NPAS3: variants seen among roughly 807,000 people sequenced by gnomAD.
The protein encoded by NPAS3 is neuronal PAS domain-containing protein 3.
A neutral mutation model predicts 73.1 loss-of-function variants in NPAS3; 14 were observed. That is an observed-to-expected ratio of 0.19 (90% CI 0.13 to 0.30). The LOEUF (loss-of-function observed/expected upper bound fraction) is 0.30, where lower values mean the gene tolerates loss of function less well. Ranked by LOEUF, NPAS3 falls within the 10% of genes least tolerant of loss-of-function variation. The pLI is 1.00. For synonymous variants in NPAS3, 620 were observed against 541.5 expected (o/e 1.14, Z -2.01); for missense variants, 1,096 against 1,250.0 (o/e 0.88, Z 1.86).
At chr14:33,084,949 T>C (rs2041974474) in intron 2 of NPAS3, among the ~76,000 whole-genome samples, 1 of 152,180 alleles carries the variant, frequency 6.6e-6, no homozygotes, top group Non-Finnish European at 1.5e-5. Flanking sequence ...ATATGAAAAG[T>C]ATATGGCACT....
At chr14:33,303,759 T>C (rs528766772) in intron 3 of NPAS3, among the ~76,000 whole-genome samples, 1 of 150,526 alleles carries the variant, frequency 6.6e-6, no homozygotes, top group South Asian at 2.1e-4. Context: ...TATCATGATA[T>C]TGTTTATTGG....
At chr14:33,023,371 AT>A (rs1043880596) in intron 1 of NPAS3, among the ~76,000 whole-genome samples, 23 of 144,802 alleles carry the variant, frequency 1.6e-4, no homozygotes, top group East Asian at 3.9e-4. Context: ...TGGAATGAAT[AT>A]TTTTTTTCAT....
At chr14:33,763,220 G>T (rs542764078) in intron 7 of NPAS3, among the ~76,000 whole-genome samples, 2 of 152,150 alleles carry the variant, frequency 1.3e-5, no homozygotes, top group African/African-American at 4.8e-5. Flanking sequence ...TGGCACCGCC[G>T]TGGATTCATC....
At chr14:33,486,095 C>T (rs890740418) in intron 4 of NPAS3, among the ~76,000 whole-genome samples, 1 of 152,124 alleles carries the variant, frequency 6.6e-6, no homozygotes, top group African/African-American at 2.4e-5. Context: ...TTGTCCAAGT[C>T]CTGCACTGTT....
At chr14:33,328,462 T>A (rs1203102472) in intron 3 of NPAS3, among the ~76,000 whole-genome samples, 13 of 58,258 alleles carry the variant, frequency 2.2e-4, no homozygotes, top group African/African-American at 7.5e-4. Flanking sequence ...TTTTTTTTTT[T>A]TTTTTTTTTT....
At chr14:33,049,939 CTT>C (rs1482575055) in intron 1 of NPAS3, among the ~76,000 whole-genome samples, 2 of 152,180 alleles carry the variant, frequency 1.3e-5, no homozygotes, top group Non-Finnish European at 2.9e-5. Flanking sequence ...AAGTTGCCCT[CTT>C]AGTTTTTTTG....
At chr14:33,490,083 A>G (rs749141415) in intron 4 of NPAS3, among the ~76,000 whole-genome samples, 9 of 152,066 alleles carry the variant, frequency 5.9e-5, no homozygotes, top group Non-Finnish European at 8.8e-5. Context: ...ATCAAGAAAA[A>G]AGTTCTCTTT....
At chr14:33,365,174 C>T (rs998165149) in intron 3 of NPAS3, among the ~76,000 whole-genome samples, 3 of 98,222 alleles carry the variant, frequency 3.1e-5, no homozygotes, top group African/African-American at 1.3e-4. Flanking sequence ...GCTTCTCCCT[C>T]CCAAAAGCCA....
At chr14:33,416,906 A>G (rs893272839) in intron 4 of NPAS3, among the ~76,000 whole-genome samples, 13 of 151,928 alleles carry the variant, frequency 8.6e-5, no homozygotes, top group Non-Finnish European at 1.6e-4. Flanking sequence ...ACAGTTTCCA[A>G]TTACAGAAAC....
chr14:32,956,916 A>G (rs2036693303), intron 1 of NPAS3, among the ~76,000 whole-genome samples: 1 of 152,220 alleles, frequency 6.6e-6, no homozygotes, highest in Admixed American at 6.5e-5. Flanking sequence ...AATTCTATTC[A>G]GTGTTAATAT....
rs142261445 is a variant in NPAS3 at position 33,453,723 on chromosome 14, C to G, written c.468+86455C>G. Among the ~76,000 whole-genome samples the G allele has an allele frequency of 3.7e-3, 569 of 152,316 alleles. 5 individuals carry two copies. The highest frequency in any genetic ancestry group is 0.013 in the African/African-American group (551 of 41,576). ...CCAGCTGGGCTTAAGTTTACTTTTGCATTGTTGACCTATTTTTTAAGTGTT... is the reference window on the plus strand; with the variant it reads ...CCAGCTGGGCTTAAGTTTACTTTTGGATTGTTGACCTATTTTTTAAGTGTT... On this transcript the variant is annotated intron_variant, in intron 4 of 11. Coordinates refer to ENST00000356141, the Ensembl canonical transcript of NPAS3.
chr14:33,331,223 A>C (rs1594709877), intron 3 of NPAS3, among the ~76,000 whole-genome samples: 1 of 152,208 alleles, frequency 6.6e-6, no homozygotes, highest in South Asian at 2.1e-4. Context: ...ATGCATGTGA[A>C]TATAATACAT....
chr14:33,010,065 A>G (rs1032137492), intron 1 of NPAS3, among the ~76,000 whole-genome samples: 7 of 152,254 alleles, frequency 4.6e-5, no homozygotes, highest in African/African-American at 9.6e-5. Flanking sequence ...GAACAGTGTC[A>G]GGCAAACAGT....
At chr14:33,095,470 C>G (rs1443760624) in intron 2 of NPAS3, among the ~76,000 whole-genome samples, 1 of 152,112 alleles carries the variant, frequency 6.6e-6, no homozygotes, top group Non-Finnish European at 1.5e-5. Context: ...AACGCCTTTT[C>G]TCCTGTCCTC....
At chr14:33,088,479 G>C (rs1223967928) in intron 2 of NPAS3, among the ~76,000 whole-genome samples, 13 of 152,244 alleles carry the variant, frequency 8.5e-5, no homozygotes, top group African/African-American at 3.1e-4. Flanking sequence ...AGGCAGGAGT[G>C]AGGCTGGGGT....
intron 4 of NPAS3, among the ~76,000 whole-genome samples, chr14:33,533,045 A>T (rs2054110255): frequency 6.6e-6 from 1 of 152,158 alleles, no homozygotes; most frequent in Non-Finnish European, 1.5e-5. Flanking sequence ...AGAACTAAGC[A>T]TAATAAACAT....
chr14:33,781,040 T>C (rs908655459), intron 9 of NPAS3, among the ~76,000 whole-genome samples: 4 of 152,212 alleles, frequency 2.6e-5, no homozygotes, highest in African/African-American at 7.2e-5. Flanking sequence ...CTGATAATTC[T>C]GCATAGTAAA....
At chr14:33,522,949 C>T (rs1447023633) in intron 4 of NPAS3, among the ~76,000 whole-genome samples, 1 of 152,050 alleles carries the variant, frequency 6.6e-6, no homozygotes, top group African/African-American at 2.4e-5. Flanking sequence ...TGTGTGTTTA[C>T]TAATTACGTC....
intron 3 of NPAS3, among the ~76,000 whole-genome samples, chr14:33,364,948 C>G (rs544551972): frequency 6.6e-6 from 1 of 151,046 alleles, no homozygotes; most frequent in Non-Finnish European, 1.5e-5. Context: ...CCCTCATAAT[C>G]CAGTTCTTTG....
Sources: gnomAD v4.1 joint callset for allele counts (sites outside exome capture counted in the v4.1 genomes callset) on GRCh38, gnomAD v4.1.1 for gene constraint, MANE v1.5 for transcripts, NCBI Gene and HGNC (gene_info 2026-07-23, HGNC 2026-07-21) for gene names.